Variants in MBNL1 observed in about 807,000 individuals in gnomAD.
MBNL1 encodes the protein muscleblind-like protein 1.
A neutral mutation model predicts 42.2 loss-of-function variants in MBNL1; 8 were observed. That is an observed-to-expected ratio of 0.19 (90% CI 0.11 to 0.34). MBNL1 has a LOEUF of 0.34. Ranked by LOEUF, MBNL1 falls within the 10% of genes least tolerant of loss-of-function variation. The pLI is 1.00. For missense variants in MBNL1, 309 were observed against 495.3 expected (o/e 0.62, Z 3.57); for synonymous variants, 169 against 173.9 (o/e 0.97, Z 0.22).
chr3:152,375,372 C>T (rs780130701), intron 2 of MBNL1, among the ~76,000 whole-genome samples: 24 of 152,138 alleles, frequency 1.6e-4, no homozygotes, highest in Non-Finnish European at 2.8e-4. Flanking sequence ...TAGATAAACA[C>T]CACTGATTAC....
At chr3:152,273,658 G>A (rs199878795) in intron 1 of MBNL1, among the ~76,000 whole-genome samples, 1 of 152,134 alleles carries the variant, frequency 6.6e-6, no homozygotes, top group Non-Finnish European at 1.5e-5. Flanking sequence ...AAAACGAAAT[G>A]TAGCCATATT....
At chr3:152,246,966 CGT>C (rs1024216976) in intron 2 of MBNL1, among the ~76,000 whole-genome samples, 1 of 152,024 alleles carries the variant, frequency 6.6e-6, no homozygotes, top group African/African-American at 2.4e-5. Flanking sequence ...AACAAATAAA[CGT>C]ATATTATTTT....
intron 2 of MBNL1, among the ~76,000 whole-genome samples, chr3:152,413,472 A>G (rs1485443291): frequency 2.6e-5 from 4 of 152,204 alleles, no homozygotes; most frequent in African/African-American, 9.6e-5. Context: ...GGTCTCTGCT[A>G]TCCACTGTCC....
chr3:152,292,194 C>T (rs184388162), intron 1 of MBNL1, among the ~76,000 whole-genome samples: 16 of 152,268 alleles, frequency 1.1e-4, no homozygotes, highest in Admixed American at 9.8e-4. Context: ...TAATTATCTT[C>T]TAGTGAGCTT....
At chr3:152,400,864 A>G (rs1053567890) in intron 2 of MBNL1, among the ~76,000 whole-genome samples, 2 of 152,208 alleles carry the variant, frequency 1.3e-5, no homozygotes, top group African/African-American at 4.8e-5. Flanking sequence ...TGGCAAAAAC[A>G]GAGTTTAAAA....
Position 152,300,011 on chromosome 3 carries a change from A to C in MBNL1, c.-183A>C, listed in dbSNP as rs2060063588. 1.9e-6 allele frequency: 1 copy of C among 522,720 alleles called. No homozygotes were observed. The highest frequency in any genetic ancestry group is 3.7e-5 in the Admixed American group (1 of 26,850). The allele number at this position is 522,720 out of a possible 1,614,324, so 32.4% of individuals were successfully genotyped here. A position where few individuals can be genotyped will look rare whatever the true frequency, so the allele number is the denominator to read the frequency against. On this transcript the variant is annotated 5_prime_UTR_variant, in exon 2 of 10. Coordinates refer to ENST00000324210, the MANE Select transcript of MBNL1 (RefSeq NM_021038.5). ...TCATGCTGTGAATTTCTAGTGGGAG[A>C]TCTTTTCCTTGATATTGACGACACA...
chr3:152,398,106 G>A (rs2098058517), intron 2 of MBNL1, among the ~76,000 whole-genome samples: 1 of 152,112 alleles, frequency 6.6e-6, no homozygotes, highest in South Asian at 2.1e-4. Context: ...TTTTAAAAAT[G>A]AAATTTGAAA....
chr3:152,400,344 T>C (rs2098161586), intron 2 of MBNL1, among the ~76,000 whole-genome samples: 1 of 152,228 alleles, frequency 6.6e-6, no homozygotes, highest in Non-Finnish European at 1.5e-5. Flanking sequence ...TAACTTGAGC[T>C]TAAGCAACTT....
chr3:152,448,131 A>G (rs551649430), intron 6 of MBNL1, among the ~76,000 whole-genome samples: 89 of 152,152 alleles, frequency 5.8e-4, no homozygotes, highest in Non-Finnish European at 1.2e-3. Context: ...ATTATTCCAT[A>G]GAGTTAATTT....
intron 2 of MBNL1, among the ~76,000 whole-genome samples, chr3:152,347,087 T>C (rs535371836): frequency 2.0e-5 from 3 of 152,144 alleles, no homozygotes; most frequent in African/African-American, 7.2e-5. Context: ...GAGATTGAGC[T>C]CATGCTTTTT....
At chr3:152,285,768 A>C (rs1162468912) in intron 1 of MBNL1, among the ~76,000 whole-genome samples, 2 of 151,562 alleles carry the variant, frequency 1.3e-5, no homozygotes, top group African/African-American at 4.9e-5. Flanking sequence ...TACTGCAGGC[A>C]TGCACCACCA....
chr3:152,400,425 G>T (rs902149662), intron 2 of MBNL1, among the ~76,000 whole-genome samples: 1 of 152,110 alleles, frequency 6.6e-6, no homozygotes, highest in Non-Finnish European at 1.5e-5. Flanking sequence ...CCCTTGATGG[G>T]TGATAAGAAA....
At chr3:152,351,472 G>C (rs922799511) in intron 2 of MBNL1, among the ~76,000 whole-genome samples, 8 of 150,742 alleles carry the variant, frequency 5.3e-5, no homozygotes, top group South Asian at 4.2e-4. Flanking sequence ...TTGTTTTATG[G>C]TTGCTATTTT....
At chr3:152,438,003 T>C (rs1306981885) in intron 4 of MBNL1, among the ~76,000 whole-genome samples, 1 of 152,126 alleles carries the variant, frequency 6.6e-6, no homozygotes, top group Non-Finnish European at 1.5e-5. Flanking sequence ...CAGCAATTTC[T>C]TTCCAGGATT....
At chr3:152,359,117 T>A (rs967647334) in intron 2 of MBNL1, among the ~76,000 whole-genome samples, 34 of 152,288 alleles carry the variant, frequency 2.2e-4, no homozygotes, top group African/African-American at 7.7e-4. Context: ...ATATGCCTAT[T>A]ATATTATTTG....
intron 9 of MBNL1, among the ~76,000 whole-genome samples, chr3:152,461,585 A>G (rs1745994878): frequency 6.6e-6 from 1 of 152,230 alleles, no homozygotes; most frequent in African/African-American, 2.4e-5. Context: ...TAAGCTTTTA[A>G]TGTTCTGTTC....
intron 4 of MBNL1, 37 bp downstream of exon 4, chr3:152,432,957 T>C (rs2099025522): frequency 6.5e-7 from 1 of 1,545,052 alleles, no homozygotes; most frequent in Non-Finnish European, 8.9e-7. Flanking sequence ...TATACTACAT[T>C]CTAATTCTCA....
intron 2 of MBNL1, among the ~76,000 whole-genome samples, chr3:152,394,303 T>C (rs2097843045): frequency 6.6e-6 from 1 of 152,236 alleles, no homozygotes; most frequent in Non-Finnish European, 1.5e-5. Flanking sequence ...TTATATACAG[T>C]GAGAAGAGTC....
chr3:152,301,017 A>T (rs2060516307), intron 2 of MBNL1: 1 of 581,544 alleles, frequency 1.7e-6, no homozygotes, highest in African/African-American at 2.0e-5. Flanking sequence ...ACTATTGTTT[A>T]TTGGATTTTT....
Sources: gnomAD v4.1 joint callset for allele counts (sites outside exome capture counted in the v4.1 genomes callset) on GRCh38, gnomAD v4.1.1 for gene constraint, MANE v1.5 for transcripts, NCBI Gene and HGNC (gene_info 2026-07-23, HGNC 2026-07-21) for gene names.